The following GRID1 variants were observed in gnomAD, a reference collection of about 807,000 sequenced individuals.
The protein encoded by GRID1 is glutamate receptor ionotropic, delta-1.
A neutral mutation model predicts 98.0 loss-of-function variants in GRID1; 28 were observed. The ratio of observed to expected loss-of-function variants is 0.29; its 90% CI spans 0.21 to 0.39. GRID1 has a LOEUF of 0.39. Ranked by LOEUF, GRID1 falls within the 10% of genes least tolerant of loss-of-function variation. The probability of loss-of-function intolerance (pLI) is 1.00; values close to 1 mark genes in which losing one functional copy is unlikely to be tolerated. For synonymous variants in GRID1, 553 were observed against 538.5 expected, an observed-to-expected ratio of 1.03 and a Z score of -0.37; for missense variants, 1,111 against 1,340.5, an observed-to-expected ratio of 0.83 and a Z score of 2.67.
intron 2 of GRID1, among the ~76,000 whole-genome samples, chr10:86,350,719 G>A (rs566761829): frequency 1.1e-4 from 17 of 152,086 alleles, no homozygotes; most frequent in African/African-American, 2.2e-4. Flanking sequence ...CAATACATGC[G>A]TACAATGTGT....
chr10:85,731,906 A>T (rs1841829653), intron 8 of GRID1, among the ~76,000 whole-genome samples: 1 of 129,642 alleles, frequency 7.7e-6, no homozygotes, highest in Non-Finnish European at 1.6e-5. Flanking sequence ...GGAGGGAGAA[A>T]GAAAGAGAAA....
intron 13 of GRID1, among the ~76,000 whole-genome samples, chr10:85,632,658 C>T (rs951073098): frequency 2.6e-5 from 4 of 152,204 alleles, no homozygotes; most frequent in Non-Finnish European, 5.9e-5. Flanking sequence ...GTTCTCGTGC[C>T]TCAGCCTCCC....
chr10:85,970,503 ATTTG>A (rs1311348316), intron 4 of GRID1, among the ~76,000 whole-genome samples: 1 of 152,066 alleles, frequency 6.6e-6, no homozygotes, highest in Non-Finnish European at 1.5e-5. Context: ...GGAATGCAGG[ATTTG>A]TTTAACATCT....
chr10:86,314,969 G>C (rs527533207), intron 2 of GRID1, among the ~76,000 whole-genome samples: 7 of 150,998 alleles, frequency 4.6e-5, no homozygotes, highest in Admixed American at 1.3e-4. Context: ...CTGCAGTCAG[G>C]ACCTCCATGT....
intron 4 of GRID1, among the ~76,000 whole-genome samples, chr10:85,943,974 G>A (rs967940215): frequency 3.3e-5 from 5 of 152,226 alleles, no homozygotes; most frequent in African/African-American, 9.6e-5. Context: ...ACTGGGGCTT[G>A]TCCTATCTTG....
intron 2 of GRID1, among the ~76,000 whole-genome samples, chr10:86,351,285 G>A (rs560129012): frequency 6.6e-5 from 10 of 152,372 alleles, no homozygotes; most frequent in South Asian, 2.1e-4. Context: ...GAAAAAGTGC[G>A]CAGGACTGAG....
intron 12 of GRID1, among the ~76,000 whole-genome samples, chr10:85,660,904 A>G (rs1216295243): frequency 6.6e-6 from 1 of 152,058 alleles, no homozygotes; most frequent in Non-Finnish European, 1.5e-5. Context: ...GGCCGTGGAT[A>G]AGCTACCTAA....
intron 8 of GRID1, among the ~76,000 whole-genome samples, chr10:85,776,375 T>C (rs1388847068): frequency 2.6e-5 from 4 of 152,138 alleles, no homozygotes; most frequent in African/African-American, 4.8e-5. Flanking sequence ...GAGCAGACAA[T>C]TGATAGCAGA....
chr10:86,115,756 T>A (rs1163784023), intron 4 of GRID1, among the ~76,000 whole-genome samples: 4 of 152,232 alleles, frequency 2.6e-5, no homozygotes, highest in Admixed American at 2.6e-4. Context: ...CCATCCCAGC[T>A]GCTCCTGGCA....
intron 15 of GRID1, among the ~76,000 whole-genome samples, chr10:85,607,684 C>T (rs569995478): frequency 1.6e-4 from 25 of 152,088 alleles, no homozygotes; most frequent in African/African-American, 5.5e-4. Flanking sequence ...GCAGGTGCAC[C>T]GAGGAATGAC....
At chr10:85,770,399 A>G (rs1014176090) in intron 8 of GRID1, among the ~76,000 whole-genome samples, 1 of 152,226 alleles carries the variant, frequency 6.6e-6, no homozygotes, top group African/African-American at 2.4e-5. Flanking sequence ...GAAAAACTGG[A>G]AACTAAAAAG....
chr10:86,065,736 C>T (rs746528274), intron 4 of GRID1, among the ~76,000 whole-genome samples: 11 of 152,248 alleles, frequency 7.2e-5, no homozygotes, highest in Non-Finnish European at 1.2e-4. Context: ...GCAGCCTCAG[C>T]CCTCTTATGT....
intron 4 of GRID1, among the ~76,000 whole-genome samples, chr10:86,105,259 A>C (rs1272902450): frequency 1.3e-5 from 2 of 152,170 alleles, no homozygotes; most frequent in Non-Finnish European, 2.9e-5. Context: ...CCAAGAAGAC[A>C]GTGAGGGTGG....
At chr10:85,797,907 T>A (rs1043268430) in intron 8 of GRID1, among the ~76,000 whole-genome samples, 4 of 152,216 alleles carry the variant, frequency 2.6e-5, no homozygotes, top group African/African-American at 9.7e-5. Flanking sequence ...AATGACATGA[T>A]TTCATTCTTT....
intron 4 of GRID1, among the ~76,000 whole-genome samples, chr10:86,123,274 C>T (rs1844704486): frequency 6.6e-6 from 1 of 152,138 alleles, no homozygotes. Context: ...GGGCAGAGGG[C>T]CATAGCCTGG....
intron 8 of GRID1, among the ~76,000 whole-genome samples, chr10:85,789,710 TG>T (rs1161229673): frequency 6.6e-6 from 1 of 152,110 alleles, no homozygotes; most frequent in Non-Finnish European, 1.5e-5. Context: ...GAACTGCCCA[TG>T]GATGGGACAA....
chr10:86,111,351 G>A (rs150397005), intron 4 of GRID1, among the ~76,000 whole-genome samples: 49 of 152,152 alleles, frequency 3.2e-4, no homozygotes, highest in African/African-American at 1.0e-3. Context: ...AGGAACTTGG[G>A]GCAACCATCC....
At chr10:85,701,633 G>C (rs1412983349) in intron 12 of GRID1, among the ~76,000 whole-genome samples, 1 of 152,104 alleles carries the variant, frequency 6.6e-6, no homozygotes. Context: ...GAAATCCAAA[G>C]AGAATCAACC....
intron 2 of GRID1, among the ~76,000 whole-genome samples, chr10:86,320,787 A>G (rs887619845): frequency 3.3e-5 from 5 of 152,004 alleles, no homozygotes; most frequent in Non-Finnish European, 5.9e-5. Flanking sequence ...GTGGCTTGTT[A>G]TTATTATTAT....
Sources: gnomAD v4.1 joint callset for allele counts (sites outside exome capture counted in the v4.1 genomes callset) on GRCh38, gnomAD v4.1.1 for gene constraint, MANE v1.5 for transcripts, NCBI Gene and HGNC (gene_info 2026-07-23, HGNC 2026-07-21) for gene names.